The following DNAH14 variants were observed in gnomAD, a reference collection of about 807,000 sequenced individuals.
DNAH14 encodes the protein axonemal beta dynein heavy chain 14.
In DNAH14, 478 loss-of-function variants were observed where a neutral mutation model predicts 520.9. That is an observed-to-expected ratio of 0.92 (90% confidence interval 0.85 to 0.99). The LOEUF (loss-of-function observed/expected upper bound fraction) is 0.99. Among genes scored for constraint, DNAH14 ranks in the 50% least tolerant of loss-of-function variants. The pLI is 0.00. For synonymous variants in DNAH14, 1,581 were observed against 1,757.2 expected (o/e 0.90, Z 2.51); for missense variants, 4,831 against 5,234.5 (o/e 0.92, Z 2.38).
intron 58 of DNAH14, 146 bp from the exon 59 acceptor site, chr1:225,307,315 G>A (rs2094266668): frequency 1.7e-6 from 1 of 597,980 alleles, no homozygotes; most frequent in South Asian, 2.5e-5. Context: ...TATATTGATT[G>A]ACTTTCAAAT....
chr1:225,028,344 A>T (rs1466828521), intron 11 of DNAH14, among the ~76,000 whole-genome samples: 1 of 151,990 alleles, frequency 6.6e-6, no homozygotes, highest in Non-Finnish European at 1.5e-5. Context: ...TTTATTCTTG[A>T]TACAGTTTTG....
At chr1:225,075,070 G>C (rs1210974732) in intron 17 of DNAH14, among the ~76,000 whole-genome samples, 1 of 152,198 alleles carries the variant, frequency 6.6e-6, no homozygotes, top group Non-Finnish European at 1.5e-5. Flanking sequence ...GTGCATACCT[G>C]AGTGACTACT....
intron 35 of DNAH14, among the ~76,000 whole-genome samples, chr1:225,163,959 A>G (rs2081791468): frequency 2.0e-5 from 3 of 152,182 alleles, no homozygotes; most frequent in Admixed American, 2.0e-4. Context: ...TATATTACCT[A>G]ATAAATGGTC....
intron 21 of DNAH14, among the ~76,000 whole-genome samples, chr1:225,086,203 G>T (rs1291819674): frequency 6.6e-6 from 1 of 151,782 alleles, no homozygotes; most frequent in Non-Finnish European, 1.5e-5. Context: ...TGCTGTCTCG[G>T]CTCACTGCAA....
In DNAH14 at chr1:225,181,008, C is replaced by CT. The variant is rs1267595984; in HGVS notation, c.5536-4282dup. Among the ~76,000 whole-genome samples, 7 of 152,124 alleles carry CT rather than the reference C, an allele frequency of 4.6e-5. No individual in the cohort carries two copies. In the East Asian group the frequency reaches 1.3e-3, roughly 29 times the overall value. ...TCCCTCCTTCTGGAGTCCCCAATGT[C>CT]TGTTGTTCCCAAATTTCTGCCCATG... On this transcript the variant is annotated intron_variant, in intron 36 of 85. Coordinates refer to ENST00000682510, the MANE Select transcript of DNAH14 (RefSeq NM_001367479.1).
chr1:225,159,522 G>C (rs1169457670), intron 35 of DNAH14, 37 bp downstream of exon 35: 1 of 1,458,268 alleles, frequency 6.9e-7, no homozygotes. Flanking sequence ...CAATTATTTG[G>C]ATGTGGAATA....
intron 60 of DNAH14, among the ~76,000 whole-genome samples, chr1:225,312,036 C>A (rs979193917): frequency 6.6e-6 from 1 of 152,082 alleles, no homozygotes; most frequent in African/African-American, 2.4e-5. Context: ...TTACTTTGAG[C>A]AGTATGGCCA....
chr1:225,344,954 C>A (rs919629973), intron 69 of DNAH14, among the ~76,000 whole-genome samples: 1 of 152,086 alleles, frequency 6.6e-6, no homozygotes, highest in African/African-American at 2.4e-5. Flanking sequence ...ACCTCATGAT[C>A]CGCCTGCCTG....
At chr1:225,068,534 G>T (rs1221222794) in intron 17 of DNAH14, among the ~76,000 whole-genome samples, 1 of 152,094 alleles carries the variant, frequency 6.6e-6, no homozygotes, top group Non-Finnish European at 1.5e-5. Flanking sequence ...AAATTGTTTT[G>T]GGCAGTATAG....
Position 225,266,752 on chromosome 1 carries a change from G to GA in DNAH14, c.7529dup (p.Asn2510LysfsTer21). On this transcript the variant is annotated frameshift_variant, in exon 49 of 86. Transcript: ENST00000682510. LOFTEE classifies it high-confidence loss of function. Reference sequence around the variant, plus strand: ...AGATTTGGGAGGAGTTTATGATACTGAAAAAAATACATGGAAGGTACAGTA... The same window carrying GA: ...AGATTTGGGAGGAGTTTATGATACTGAAAAAAAATACATGGAAGGTACAGTA... 1.3e-6 allele frequency: 2 copies of GA among 1,511,624 alleles called. No individual in the cohort carries two copies. The highest frequency in any genetic ancestry group is 2.6e-5 in the Admixed American group (1 of 38,314). 93.6% of individuals were successfully genotyped at this position (1,511,624 alleles called of 1,614,324 possible).
rs564370866 is a variant in DNAH14 at position 225,160,276 on chromosome 1, GT to G, written c.5445+793del. ...TATCAGGTGTCAGGCCATTAAACATGTTGATTCCTTTCCCTGAAATCCAACC... is the reference window on the plus strand; with the variant it reads ...TATCAGGTGTCAGGCCATTAAACATGTGATTCCTTTCCCTGAAATCCAACC... On this transcript the variant is annotated intron_variant, in intron 35 of 85. Transcript: ENST00000682510. Among the ~76,000 whole-genome samples the G allele has an allele frequency of 2.0e-5, 3 of 152,154 alleles. No homozygotes were observed. In the South Asian group the frequency reaches 6.2e-4, roughly 32 times the overall value.
chr1:224,959,442 T>C (rs1218861478), intron 3 of DNAH14, among the ~76,000 whole-genome samples: 1 of 152,172 alleles, frequency 6.6e-6, no homozygotes, highest in Non-Finnish European at 1.5e-5. Flanking sequence ...TTTGTATCCC[T>C]TTGTTTTGTT....
chr1:225,222,313 A>G (rs1291204128), intron 41 of DNAH14, among the ~76,000 whole-genome samples: 3 of 152,220 alleles, frequency 2.0e-5, no homozygotes, highest in African/African-American at 7.2e-5. Context: ...GCAACAGTAT[A>G]TAAATGTACT....
At chr1:225,250,746 G>T in intron 43 of DNAH14, 1 of 499,886 alleles carries the variant, frequency 2.0e-6, no homozygotes. Flanking sequence ...GAAGGAATGG[G>T]CAAAGCAGTG....
chr1:225,088,122 A>G (rs3105566), intron 21 of DNAH14, among the ~76,000 whole-genome samples: 121,297 of 152,138 alleles, frequency 0.8, 51,729 homozygotes, highest in Non-Finnish European at 0.96. Context: ...TATCCAGTAC[A>G]CAATAAGGTA....
intron 23 of DNAH14, among the ~76,000 whole-genome samples, chr1:225,111,398 T>C (rs906528001): frequency 1.3e-5 from 2 of 152,136 alleles, no homozygotes; most frequent in East Asian, 1.9e-4. Context: ...TTTCTTTGTC[T>C]TTTTATGGTT....
intron 8 of DNAH14, among the ~76,000 whole-genome samples, chr1:224,997,699 G>C (rs891826442): frequency 6.6e-6 from 1 of 151,718 alleles, no homozygotes; most frequent in Non-Finnish European, 1.5e-5. Flanking sequence ...TTGCTTCTTT[G>C]GAAGTTTTTA....
intron 41 of DNAH14, among the ~76,000 whole-genome samples, chr1:225,230,036 TG>T (rs2090950968): frequency 2.0e-5 from 3 of 152,176 alleles, no homozygotes; most frequent in Admixed American, 2.0e-4. Flanking sequence ...GAACTTATCT[TG>T]GTGAGCTATT....
intron 61 of DNAH14, 36 bp from the exon 62 acceptor site, chr1:225,322,628 T>C (rs2094578642): frequency 1.4e-6 from 2 of 1,428,960 alleles, no homozygotes; most frequent in Admixed American, 2.4e-5. Flanking sequence ...TCATTTTTAA[T>C]TGTGAAGTTG....
Sources: gnomAD v4.1 joint callset for allele counts (sites outside exome capture counted in the v4.1 genomes callset) on GRCh38, gnomAD v4.1.1 for gene constraint, MANE v1.5 for transcripts, NCBI Gene and HGNC (gene_info 2026-07-23, HGNC 2026-07-21) for gene names.